The following TCAIM variants were observed in gnomAD, a reference collection of about 807,000 sequenced individuals.
TCAIM encodes the protein T cell activation inhibitor, mitochondrial.
A neutral mutation model predicts 58.6 loss-of-function variants in TCAIM; 36 were observed. That is an observed-to-expected ratio of 0.61 (90% CI 0.47 to 0.81). The LOEUF is 0.81. Among genes scored for constraint, TCAIM ranks in the 30% least tolerant of loss-of-function variants. The probability of loss-of-function intolerance (pLI) is 0.00; values close to 1 mark genes in which losing one functional copy is unlikely to be tolerated. For synonymous variants in TCAIM, 172 were observed against 193.6 expected, an observed-to-expected ratio of 0.89 and a Z score of 0.93; for missense variants, 466 against 579.6, an observed-to-expected ratio of 0.80 and a Z score of 2.01.
chr3:44,351,917 AAAG>A (rs1433356356), intron 1 of TCAIM, among the ~76,000 whole-genome samples: 3 of 152,104 alleles, frequency 2.0e-5, no homozygotes, highest in African/African-American at 7.2e-5. Flanking sequence ...TACTTTTAAA[AAAG>A]ATAATTCCTG....
intron 1 of TCAIM, among the ~76,000 whole-genome samples, chr3:44,346,620 A>C (rs915303010): frequency 6.6e-6 from 1 of 152,230 alleles, no homozygotes; most frequent in African/African-American, 2.4e-5. Flanking sequence ...AGAGATTCTA[A>C]GAGGCACGCT....
At chr3:44,405,951 CAAAAAAAA>C (rs10579882) in intron 10 of TCAIM, among the ~76,000 whole-genome samples, 3 of 113,040 alleles carry the variant, frequency 2.7e-5, no homozygotes, top group Non-Finnish European at 3.6e-5. Context: ...GACTCCATCT[CAAAAAAAA>C]AAAAAAAAAA....
chr3:44,390,693 A>T lies in TCAIM; in HGVS notation c.573-2162A>T, dbSNP rs191325854. ...AAACAAATTTTAAGAAAAAATGGCC[A>T]GGCATGGTGGCTCATGCCTATAATC... On this transcript the variant is annotated intron_variant, in intron 5 of 10. Transcript: ENST00000342649. Among the ~76,000 whole-genome samples, 19 of 152,178 alleles carry T rather than the reference A, an allele frequency of 1.2e-4. No homozygotes were observed. In the East Asian group the frequency reaches 3.7e-3, roughly 29 times the overall value.
intron 3 of TCAIM, chr3:44,358,268 A>G: frequency 7.9e-7 from 1 of 1,258,332 alleles, no homozygotes; most frequent in Non-Finnish European, 1.2e-6. Flanking sequence ...CTTATGATGC[A>G]TGCTGCTGGA....
chr3:44,391,082 A>C (rs538843815), intron 5 of TCAIM: 1 of 152,258 alleles, frequency 6.6e-6, no homozygotes, highest in Non-Finnish European at 1.5e-5. Context: ...TGTCATGATT[A>C]TAGCACCAAG....
intron 1 of TCAIM, among the ~76,000 whole-genome samples, chr3:44,350,723 CA>C (rs1020679292): frequency 2.0e-5 from 3 of 152,100 alleles, no homozygotes; most frequent in African/African-American, 7.2e-5. Flanking sequence ...CCATTATATG[CA>C]GATGATTTTT....
At chr3:44,347,706 C>T (rs549542970) in intron 1 of TCAIM, among the ~76,000 whole-genome samples, 2 of 152,258 alleles carry the variant, frequency 1.3e-5, no homozygotes, top group South Asian at 2.1e-4. Context: ...TTTAAAAGGC[C>T]ATGCTGTAAC....
At chr3:44,397,585 G>T (rs1016764635) in intron 8 of TCAIM, among the ~76,000 whole-genome samples, 4 of 152,124 alleles carry the variant, frequency 2.6e-5, no homozygotes, top group African/African-American at 9.7e-5. Context: ...AAATAAAGCT[G>T]CTGTGAACAT....
chr3:44,375,299 G>A (rs1701547318), intron 5 of TCAIM, among the ~76,000 whole-genome samples: 1 of 152,130 alleles, frequency 6.6e-6, no homozygotes, highest in African/African-American at 2.4e-5. Flanking sequence ...TCATGGTTCT[G>A]CAGGCTGTAC....
chr3:44,342,414 A>G (rs76460669), intron 1 of TCAIM, among the ~76,000 whole-genome samples: 1,722 of 152,326 alleles, frequency 0.011, 36 homozygotes, highest in African/African-American at 0.039. Context: ...ACAAAATTTT[A>G]TAAGAGCCCT....
At chr3:44,396,883 C>G (rs766257004) in intron 8 of TCAIM, 49 bp downstream of exon 8, 1 of 1,542,646 alleles carries the variant, frequency 6.5e-7, no homozygotes, top group South Asian at 1.1e-5. Context: ...CATAAACTTT[C>G]ATTTCCAACA....
Position 44,396,709 on chromosome 3 carries a change from G to T in TCAIM, c.794-34G>T. The T allele has an allele frequency of 1.9e-6, 3 of 1,602,882 alleles. No individual in the cohort carries two copies. The South Asian group carries it at 3.4e-5, about 18-fold the overall frequency. ...CAATGCTGAAAGAATGAAGCACCTC[G>T]ACCATGACCAAAGGTTTTGTGTTTT... On this transcript the variant is annotated intron_variant, in intron 7 of 10. Coordinates refer to ENST00000342649, the MANE Select transcript of TCAIM (RefSeq NM_173826.4).
At chr3:44,344,052 C>T (rs1474082403) in intron 1 of TCAIM, among the ~76,000 whole-genome samples, 2 of 132,102 alleles carry the variant, frequency 1.5e-5, no homozygotes, top group Non-Finnish European at 3.1e-5. Context: ...GAGAGAGTCT[C>T]ACTCCATCAC....
intron 4 of TCAIM, among the ~76,000 whole-genome samples, chr3:44,366,534 C>T (rs1323649246): frequency 1.2e-4 from 18 of 147,644 alleles, no homozygotes; most frequent in South Asian, 4.3e-4. Flanking sequence ...GGCACGATCT[C>T]GGCTCACTGC....
rs774408860 is a variant in TCAIM, at chr3:44,357,890, T to G, written c.165+14T>G. 13 of 1,611,760 alleles carry G rather than the reference T, an allele frequency of 8.1e-6. No homozygotes were observed. The South Asian group carries it at 1.4e-4, about 18-fold the overall frequency. On this transcript the variant is annotated intron_variant, in intron 3 of 10. Coordinates refer to ENST00000342649, the MANE Select transcript of TCAIM (RefSeq NM_173826.4). ...CCCGTAGAAAGGGTAAACATTTATT[T>G]ATTTTTAAACCATTAGTGTACATTT...
chr3:44,401,402 C>T, intron 10 of TCAIM, 68 bp downstream of exon 10: 2 of 1,581,818 alleles, frequency 1.3e-6, no homozygotes, highest in Non-Finnish European at 1.7e-6. Context: ...ATATTTGGAA[C>T]TCATAAATAT....
chr3:44,342,523 TATCA>T (rs1424655940), intron 1 of TCAIM, among the ~76,000 whole-genome samples: 1 of 152,216 alleles, frequency 6.6e-6, no homozygotes, highest in East Asian at 1.9e-4. Context: ...TAGCTTTATT[TATCA>T]ATCAAATTTT....
chr3:44,382,876 A>G (rs1701675706), intron 5 of TCAIM, among the ~76,000 whole-genome samples: 1 of 152,170 alleles, frequency 6.6e-6, no homozygotes, highest in Non-Finnish European at 1.5e-5. Context: ...ATAAATAAAG[A>G]ACTCCTAAAA....
At chr3:44,372,655 G>A (rs1261723052) in intron 5 of TCAIM, among the ~76,000 whole-genome samples, 2 of 150,686 alleles carry the variant, frequency 1.3e-5, no homozygotes, top group East Asian at 2.0e-4. Context: ...GTGCAGTGGT[G>A]CTATCTTGGC....
Sources: allele counts gnomAD v4.1 joint callset (sites outside exome capture counted in the v4.1 genomes callset), GRCh38; gene constraint gnomAD v4.1.1; transcripts MANE v1.5; gene names NCBI Gene and HGNC (gene_info 2026-07-23, HGNC 2026-07-21).